MARCHF11: variants seen among roughly 807,000 people sequenced by gnomAD.
The protein encoded by MARCHF11 is E3 ubiquitin-protein ligase MARCHF11.
In MARCHF11, 29 loss-of-function variants were observed where a neutral mutation model predicts 37.3. The observed-to-expected ratio is 0.78, with a 90% confidence interval of 0.58 to 1.06. MARCHF11 has a LOEUF of 1.06. Among genes scored for constraint, MARCHF11 ranks in the 50% least tolerant of loss-of-function variants. The probability of loss-of-function intolerance (pLI) is 0.00; values close to 1 mark genes in which losing one functional copy is unlikely to be tolerated. For synonymous variants in MARCHF11, 233 were observed against 228.0 expected (o/e 1.02, Z -0.20); for missense variants, 482 against 533.4 (o/e 0.90, Z 0.95).
intron 2 of MARCHF11, among the ~76,000 whole-genome samples, chr5:16,119,369 A>G (rs187130890): frequency 1.1e-3 from 161 of 152,000 alleles, no homozygotes; most frequent in African/African-American, 3.6e-3. Context: ...CTCAATTAAA[A>G]AAAAAAAAAG....
chr5:16,107,637 G>A (rs1399668269), intron 2 of MARCHF11, among the ~76,000 whole-genome samples: 2 of 152,068 alleles, frequency 1.3e-5, no homozygotes, highest in African/African-American at 4.8e-5. Context: ...TCAGCCCTAA[G>A]TGACAACAGG....
chr5:16,172,639 C>A (rs1738289122), intron 2 of MARCHF11, among the ~76,000 whole-genome samples: 1 of 152,144 alleles, frequency 6.6e-6, no homozygotes, highest in South Asian at 2.1e-4. Flanking sequence ...CTGATGTTTT[C>A]TTGATACATT....
rs183547571 is a variant in MARCHF11, at chr5:16,077,649, A to G, written c.887-9856T>C. Among the ~76,000 whole-genome samples the G allele has an allele frequency of 4.1e-4, 62 of 152,330 alleles. 1 individual carries two copies. In the East Asian group the frequency reaches 0.011, roughly 28 times the overall value. ...TGACATCAGTAAGATGCTTATAATT[A>G]AAACTATTAATGAAATTTTTAACCT... On this transcript the variant is annotated intron_variant, in intron 3 of 3. Coordinates refer to ENST00000332432, the MANE Select transcript of MARCHF11 (RefSeq NM_001102562.3).
In MARCHF11 at chr5:16,170,178, C is replaced by T. The variant is rs181549375; in HGVS notation, c.693+7548G>A. Among the ~76,000 whole-genome samples, 333 of 152,256 alleles carry T rather than the reference C, an allele frequency of 2.2e-3. 4 individuals are homozygous for T. In the South Asian group the frequency reaches 0.036, roughly 16 times the overall value. ...TATCCAGTAGACGCTCTTAGCAGCT[C>T]ATCTATATCCATGATCATACAGTAA... is the stretch of plus-strand genomic sequence containing the variant. On this transcript the variant is annotated intron_variant, in intron 2 of 3. Transcript: ENST00000332432.
At chr5:16,130,703 C>T (rs1158057433) in intron 2 of MARCHF11, among the ~76,000 whole-genome samples, 6 of 152,140 alleles carry the variant, frequency 3.9e-5, no homozygotes, top group Admixed American at 1.3e-4. Flanking sequence ...TCAAGGTACA[C>T]TTCTAATTTG....
chr5:16,082,129 T>C (rs1472232038), intron 3 of MARCHF11, among the ~76,000 whole-genome samples: 2 of 152,182 alleles, frequency 1.3e-5, no homozygotes, highest in African/African-American at 4.8e-5. Context: ...CAATTTCACA[T>C]CACAAAGGGC....
chr5:16,144,327 G>A (rs1260802099), intron 2 of MARCHF11, among the ~76,000 whole-genome samples: 1 of 152,128 alleles, frequency 6.6e-6, no homozygotes. Context: ...CTTGAAAATG[G>A]ATTTTAACAA....
intron 2 of MARCHF11, among the ~76,000 whole-genome samples, chr5:16,096,609 T>C (rs115377336): frequency 0.015 from 2,304 of 152,334 alleles, 60 homozygotes; most frequent in African/African-American, 0.052. Context: ...AGGCAAATAC[T>C]GTGTTCTTAT....
intron 3 of MARCHF11, among the ~76,000 whole-genome samples, chr5:16,074,462 G>C (rs1051169836): frequency 1.3e-5 from 2 of 152,090 alleles, no homozygotes; most frequent in African/African-American, 4.8e-5. Flanking sequence ...ACAAAAAGCA[G>C]GTCCTTTGAA....
At chr5:16,175,067 CA>C (rs1267636916) in intron 2 of MARCHF11, among the ~76,000 whole-genome samples, 1 of 152,198 alleles carries the variant, frequency 6.6e-6, no homozygotes, top group African/African-American at 2.4e-5. Context: ...CACCAGGTGG[CA>C]GCCCCAACTG....
At chr5:16,102,508 A>G (rs1158217363) in intron 2 of MARCHF11, among the ~76,000 whole-genome samples, 1 of 152,158 alleles carries the variant, frequency 6.6e-6, no homozygotes. Context: ...CACAGAAGAG[A>G]GAAGTGTCTG....
chr5:16,169,051 C>G (rs1308567797), intron 2 of MARCHF11, among the ~76,000 whole-genome samples: 4 of 151,998 alleles, frequency 2.6e-5, no homozygotes, highest in Non-Finnish European at 5.9e-5. Context: ...AAGATGCTTC[C>G]TTCTTAAAAT....
At chr5:16,165,425 C>T (rs1345956792) in intron 2 of MARCHF11, among the ~76,000 whole-genome samples, 1 of 152,044 alleles carries the variant, frequency 6.6e-6, no homozygotes, top group Non-Finnish European at 1.5e-5. Context: ...TGACTAAGCT[C>T]CATACTTAGT....
At chr5:16,177,086 A>G (rs1738376766) in intron 2 of MARCHF11, among the ~76,000 whole-genome samples, 1 of 152,206 alleles carries the variant, frequency 6.6e-6, no homozygotes, top group South Asian at 2.1e-4. Flanking sequence ...GTGATTATAC[A>G]CAAAAAGTTT....
At chr5:16,143,529 G>A (rs1208518317) in intron 2 of MARCHF11, among the ~76,000 whole-genome samples, 1 of 152,212 alleles carries the variant, frequency 6.6e-6, no homozygotes, top group East Asian at 1.9e-4. Flanking sequence ...TTTATTTCAA[G>A]TTCCATTAGT....
intron 2 of MARCHF11, among the ~76,000 whole-genome samples, chr5:16,128,365 G>A (rs1394277840): frequency 4.6e-5 from 7 of 152,136 alleles, no homozygotes; most frequent in East Asian, 1.9e-4. Context: ...CAGGGATCAC[G>A]TTTGTCTGCA....
At chr5:16,158,517 T>C (rs1167537241) in intron 2 of MARCHF11, among the ~76,000 whole-genome samples, 8 of 152,038 alleles carry the variant, frequency 5.3e-5, no homozygotes, top group African/African-American at 1.9e-4. Context: ...CCACATGATC[T>C]CACCTGTATA....
chr5:16,153,166 T>C (rs1737916429), intron 2 of MARCHF11, among the ~76,000 whole-genome samples: 1 of 151,960 alleles, frequency 6.6e-6, no homozygotes, highest in Non-Finnish European at 1.5e-5. Context: ...AGACAGGTAA[T>C]GTGACGTGAT....
At chr5:16,120,642 G>T (rs1163543108) in intron 2 of MARCHF11, among the ~76,000 whole-genome samples, 3 of 152,152 alleles carry the variant, frequency 2.0e-5, no homozygotes, top group African/African-American at 7.2e-5. Flanking sequence ...CTGCAAAACT[G>T]GCCACATGAG....
Sources: allele counts gnomAD v4.1 joint callset (sites outside exome capture counted in the v4.1 genomes callset), GRCh38; gene constraint gnomAD v4.1.1; transcripts MANE v1.5; gene names NCBI Gene and HGNC (gene_info 2026-07-23, HGNC 2026-07-21).